Variants in RAPH1 observed in about 807,000 individuals in gnomAD.
RAPH1 encodes the protein ras-associated and pleckstrin homology domains-containing protein 1.
In RAPH1, 18 loss-of-function variants were observed where a neutral mutation model predicts 88.1. That is an observed-to-expected ratio of 0.20 (90% confidence interval 0.14 to 0.30). The LOEUF (loss-of-function observed/expected upper bound fraction) is 0.30. RAPH1 is among the 10% of genes least tolerant of loss of function. The pLI is 1.00. For synonymous variants in RAPH1, 587 were observed against 559.0 expected, an observed-to-expected ratio of 1.05 and a Z score of -0.71; for missense variants, 1,448 against 1,543.2, an observed-to-expected ratio of 0.94 and a Z score of 1.03.
intron 1 of RAPH1, among the ~76,000 whole-genome samples, chr2:203,527,141 C>T (rs954092503): frequency 6.6e-6 from 1 of 152,162 alleles, no homozygotes; most frequent in African/African-American, 2.4e-5. Context: ...TCCATTTATA[C>T]CCCAGGATGT....
chr2:203,512,580 T>C (rs1460428944), intron 1 of RAPH1, among the ~76,000 whole-genome samples: 3 of 151,850 alleles, frequency 2.0e-5, no homozygotes, highest in African/African-American at 7.3e-5. Context: ...TTGGAATGAG[T>C]TTGTTGGGTA....
intron 1 of RAPH1, among the ~76,000 whole-genome samples, chr2:203,527,797 T>C (rs1330853364): frequency 9.9e-6 from 1 of 100,550 alleles, no homozygotes; most frequent in Non-Finnish European, 1.8e-5. Flanking sequence ...TGAAACTCCA[T>C]CTCAAAAAAA....
In RAPH1 at chr2:203,437,530, T is replaced by C. The variant is rs2098499465; in HGVS notation, c.*1907A>G. The C allele has an allele frequency of 6.6e-6, 1 of 152,242 alleles. No homozygotes were observed. Among genetic ancestry groups the C allele is most frequent in the Admixed American group, 6.5e-5 (1 of 15,284 alleles). The allele number at this position is 152,242 out of a possible 1,614,324, so 9.4% of individuals were successfully genotyped here. On this transcript the variant is annotated 3_prime_UTR_variant, in exon 14 of 14. Transcript: ENST00000319170. ...TGTGTTAAAGATCACTTCATAAATA[T>C]CAAACACAAAACTTGGTGAACAATT...
At chr2:203,508,315 T>A (rs1689184945) in intron 1 of RAPH1, among the ~76,000 whole-genome samples, 1 of 151,778 alleles carries the variant, frequency 6.6e-6, no homozygotes, top group Non-Finnish European at 1.5e-5. Context: ...GTATTTTTAG[T>A]AGAGACAGGG....
chr2:203,521,638 A>C (rs1287564509), intron 1 of RAPH1, among the ~76,000 whole-genome samples: 1 of 144,314 alleles, frequency 6.9e-6, no homozygotes, highest in Non-Finnish European at 1.5e-5. Context: ...AAAATTAAAA[A>C]CAAATTTTAT....
At position 203,448,713 on chromosome 2, in the gene RAPH1, A is replaced by C; in HGVS notation, c.1512+25T>G. 2.0e-6 allele frequency: 3 copies of C among 1,464,880 alleles called. No homozygotes were observed. The highest frequency in any genetic ancestry group is 2.8e-6 in the Non-Finnish European group (3 of 1,060,004). 90.7% of individuals were successfully genotyped at this position (1,464,880 alleles called of 1,614,324 possible). On this transcript the variant is annotated intron_variant, in intron 11 of 13. Coordinates refer to ENST00000319170, the MANE Select transcript of RAPH1 (RefSeq NM_213589.3). This position sits in a 1 kb window ranked among gnomAD's most constrained non-coding sequence, Gnocchi z 4.1. ...TCATCGACAAACACCTCATTATTCC[A>C]TCATCAAATCAAAAGGAGACATGCC...
In RAPH1 at chr2:203,438,277, A is replaced by G. The variant is rs2098500113; in HGVS notation, c.*1160T>C. 1 of 461,786 alleles carries G rather than the reference A, an allele frequency of 2.2e-6. No homozygotes were observed. Among genetic ancestry groups the G allele is most frequent in the Non-Finnish European group, 4.3e-6 (1 of 230,674 alleles). The allele number at this position is 461,786 out of a possible 1,614,324, so 28.6% of individuals were successfully genotyped here. ...TTGTATTACATATTATAACCCATAT[A>G]CAACCAGATTAATGACACCTGTACA... On this transcript the variant is annotated 3_prime_UTR_variant, in exon 14 of 14. Transcript: ENST00000319170.
chr2:203,506,834 A>C (rs1451698065), intron 1 of RAPH1, among the ~76,000 whole-genome samples: 2 of 63,592 alleles, frequency 3.1e-5, no homozygotes, highest in Non-Finnish European at 6.1e-5. Context: ...ATATATATCT[A>C]TATCTATATA....
chr2:203,486,337 G>A lies in RAPH1; in HGVS notation c.732+3247C>T, dbSNP rs555064971. On this transcript the variant is annotated intron_variant, in intron 4 of 13. Transcript: ENST00000319170. ...TATGGAGGTTAGCAGTAAATTTCAAGTATATAGTCATTTTAATATAAACAC... is the reference window on the plus strand; with the variant it reads ...TATGGAGGTTAGCAGTAAATTTCAAATATATAGTCATTTTAATATAAACAC... Among the ~76,000 whole-genome samples, 283 of 152,244 alleles carry A rather than the reference G, an allele frequency of 1.9e-3. 1 individual carries two copies. Among genetic ancestry groups the A allele is most frequent in the African/African-American group, 6.3e-3 (263 of 41,530 alleles).
At chr2:203,496,811 C>T (rs2105859865) in intron 1 of RAPH1, among the ~76,000 whole-genome samples, 1 of 152,298 alleles carries the variant, frequency 6.6e-6, no homozygotes, top group Non-Finnish European at 1.5e-5. Flanking sequence ...AACATCATCA[C>T]CATATGTTAC....
intron 1 of RAPH1, among the ~76,000 whole-genome samples, chr2:203,507,367 T>A (rs1689139759): frequency 6.6e-6 from 1 of 152,174 alleles, no homozygotes; most frequent in Non-Finnish European, 1.5e-5. Flanking sequence ...AAAACCAAGT[T>A]GCTAAGTTTT....
At chr2:203,499,169 C>T (rs1439161382) in intron 1 of RAPH1, among the ~76,000 whole-genome samples, 1 of 152,170 alleles carries the variant, frequency 6.6e-6, no homozygotes, top group Admixed American at 6.5e-5. Flanking sequence ...GTGTTTTAAA[C>T]TGAGTTTTTT....
chr2:203,441,238 C>A lies in RAPH1; in HGVS notation c.1952G>T (p.Ser651Ile). ...PPPPPPPPLP[S>I]QSAPSAGSAA... ...TGAGCCTGCAGAAGGTGCAGACTGG[C>A]TGGGGAGTGGGGGAGGAGGGGGTGG... The change falls in exon 14 of 14, where the codon AGC becomes ATC. Residue 651 changes from serine (S) to isoleucine (I), a missense_variant. By Grantham distance (142) the Ser-to-Ile change is moderately radical. This residue lies in a region of RAPH1 where 935 missense variants were observed against 890.1 expected (regional missense o/e 1.05). Transcript: ENST00000319170. 1.1e-6 allele frequency: 1 copy of A among 877,108 alleles called. No homozygotes were observed. Among genetic ancestry groups the A allele is most frequent in the Non-Finnish European group, 1.4e-6 (1 of 701,380 alleles). 54.3% of individuals were successfully genotyped at this position (877,108 alleles called of 1,614,324 possible).
intron 4 of RAPH1, among the ~76,000 whole-genome samples, chr2:203,469,349 A>G (rs2098531183): frequency 6.6e-6 from 1 of 152,216 alleles, no homozygotes; most frequent in Non-Finnish European, 1.5e-5. Flanking sequence ...AACTCAGGGT[A>G]GAGAAAGGGT....
intron 1 of RAPH1, among the ~76,000 whole-genome samples, chr2:203,519,130 A>T (rs1294182710): frequency 2.0e-5 from 3 of 152,242 alleles, no homozygotes; most frequent in Non-Finnish European, 2.9e-5. Context: ...AGCAGAGGGA[A>T]TAATACATAG....
rs71408937 is a variant in RAPH1 at position 203,434,040 on chromosome 2, A to ATATATATCTATCATCTATCTATC, written c.*5396_*5397insGATAGATAGATGATAGATATATA. 6.9e-6 allele frequency: 1 copy of ATATATATCTATCATCTATCTATC among 145,396 alleles called. No individual in the cohort carries two copies. Among genetic ancestry groups the ATATATATCTATCATCTATCTATC allele is most frequent in the East Asian group, 2.0e-4 (1 of 5,074 alleles). The allele number at this position is 145,396 out of a possible 1,614,324, so 9.0% of individuals were successfully genotyped here. ...GTAGTACTGAATATATCTCTCTCAT[A>ATATATATCTATCATCTATCTATC]TATCTATCTATCTATCTATATATAT... is the stretch of plus-strand genomic sequence containing the variant. On this transcript the variant is annotated 3_prime_UTR_variant, in exon 14 of 14. Coordinates refer to ENST00000319170, the MANE Select transcript of RAPH1 (RefSeq NM_213589.3).
Position 203,440,831 on chromosome 2 carries a change from CG to C in RAPH1, c.2358del (p.Ala787HisfsTer12). 1 of 1,072,680 alleles carries C rather than the reference CG, an allele frequency of 9.3e-7. No individual in the cohort carries two copies. Among genetic ancestry groups the C allele is most frequent in the Non-Finnish European group, 1.2e-6 (1 of 813,764 alleles). The allele number at this position is 1,072,680 out of a possible 1,614,324, so 66.4% of individuals were successfully genotyped here. A position where few individuals can be genotyped will look rare whatever the true frequency, so the allele number is the denominator to read the frequency against. ...GCCACAGTCTTGGTGCTGGTTGGTG[CG>C]GGGATGGTCACAAGGGGTTTTGGGG... is the stretch of plus-strand genomic sequence containing the variant. ...QAPPKPLVTI[P>X]APTSTKTVAP... On this transcript the variant is annotated frameshift_variant, in exon 14 of 14. Transcript: ENST00000319170. LOFTEE classifies it low-confidence loss of function (END_TRUNC).
chr2:203,470,348 G>C (rs751502021), intron 4 of RAPH1: 3 of 1,448,536 alleles, frequency 2.1e-6, no homozygotes, highest in Non-Finnish European at 2.9e-6. Flanking sequence ...ACAAAAAAAG[G>C]CAATAACAGA....
chr2:203,530,114 A>T (rs1330884414), intron 1 of RAPH1, among the ~76,000 whole-genome samples: 1 of 152,242 alleles, frequency 6.6e-6, no homozygotes, highest in Non-Finnish European at 1.5e-5. Flanking sequence ...CCAATTTATA[A>T]GACATAAGTG....
Sources: gnomAD v4.1 joint callset for allele counts (sites outside exome capture counted in the v4.1 genomes callset) on GRCh38, gnomAD v4.1.1 for gene constraint, gnomAD v4.1.1 regional missense constraint, Gnocchi (gnomAD v3.1) non-coding constraint, MANE v1.5 for transcripts, NCBI Gene and HGNC (gene_info 2026-07-23, HGNC 2026-07-21) for gene names.